CHD5: variants seen among roughly 807,000 people sequenced by gnomAD.
The protein encoded by CHD5 is ATP-dependent chromatin remodeler CHD5.
CHD5 carries 69 observed loss-of-function variants against 230.3 expected under a neutral mutation model. That is an observed-to-expected ratio of 0.30 (90% CI 0.25 to 0.37). The LOEUF is 0.37. Ranked by LOEUF, CHD5 falls within the 10% of genes least tolerant of loss-of-function variation. The probability of loss-of-function intolerance (pLI) is 1.00; values close to 1 mark genes in which losing one functional copy is unlikely to be tolerated. For synonymous variants in CHD5, 1,064 were observed against 1,065.9 expected (o/e 1.00, Z 0.03); for missense variants, 1,827 against 2,622.8 (o/e 0.70, Z 6.63).
At chr1:6,168,368 C>T in intron 1 of CHD5, 91 bp from the exon 2 acceptor site, 1 of 1,443,752 alleles carries the variant, frequency 6.9e-7, no homozygotes, top group Non-Finnish European at 9.3e-7. Context: ...AAGCTGGGAC[C>T]CCCAGACACC....
intron 15 of CHD5, among the ~76,000 whole-genome samples, chr1:6,137,691 T>A (rs1390443442): frequency 6.6e-6 from 1 of 152,202 alleles, no homozygotes; most frequent in Non-Finnish European, 1.5e-5. Context: ...CAGGTACCCA[T>A]AGCTAACAAA....
In CHD5 at chr1:6,121,143, G is replaced by C. The variant is rs774252696; in HGVS notation, c.4874C>G (p.Thr1625Arg). The C allele has an allele frequency of 6.2e-7, 1 of 1,612,536 alleles. No homozygotes were observed. The highest frequency in any genetic ancestry group is 1.7e-5 in the Admixed American group (1 of 59,620). Residue 1625 changes from threonine to arginine, a missense_variant, in exon 33 of 42, where the codon ACG becomes AGG. Thr to Arg is a moderately conservative substitution (Grantham distance 71, BLOSUM62 -1). This residue lies in a region of CHD5 where 272 missense variants were observed against 263.2 expected (regional missense o/e 1.03). Transcript: ENST00000262450. The surrounding 1 kb of genome is among the most constrained non-coding windows in gnomAD (Gnocchi z 4.5). Reference sequence around the variant, plus strand: ...CTCCGGGGAGGGCGGGGCCTTCTCCGTCTCCTCTGGCCGCTCCTCTCGGGC... The same window carrying C: ...CTCCGGGGAGGGCGGGGCCTTCTCCCTCTCCTCTGGCCGCTCCTCTCGGGC... ...ERAREERPEE[T>R]EKAPPSPEQL...
chr1:6,146,602 C>T lies in CHD5; in HGVS notation c.1590+63G>A, dbSNP rs1666915798. 6.4e-7 allele frequency: 1 copy of T among 1,559,288 alleles called. No homozygotes were observed. Among genetic ancestry groups the T allele is most frequent in the African/African-American group, 1.4e-5 (1 of 73,584 alleles). On this transcript the variant is annotated intron_variant, in intron 10 of 41. Coordinates refer to ENST00000262450, the MANE Select transcript of CHD5 (RefSeq NM_015557.3). The surrounding 1 kb of genome is among the most constrained non-coding windows in gnomAD (Gnocchi z 5.1). ...GGCGCTTCAGCCCCTTCCCGCCAGC[C>T]CAGGAGGGTCCAGGGCTCACCAGGT...
At position 6,125,844 on chromosome 1, in the gene CHD5, G is replaced by A. The variant is rs766300383; in HGVS notation, c.4093C>T (p.Leu1365Phe). The A allele has an allele frequency of 6.2e-7, 1 of 1,611,824 alleles. No homozygotes were observed. The highest frequency in any genetic ancestry group is 1.3e-5 in the African/African-American group (1 of 74,904). The change falls in exon 27 of 42, where the codon CTC becomes TTC. Residue 1365 changes from leucine (L) to phenylalanine (F), a missense_variant. Leu to Phe is a conservative substitution (Grantham distance 22). Around this residue, in one of 14 missense-constraint regions of CHD5, gnomAD observed 137 missense variants for 272.7 expected, o/e 0.50. Transcript: ENST00000262450. The surrounding 1 kb of genome is among the most constrained non-coding windows in gnomAD (Gnocchi z 6.7). ...SQEDQEWQDE[L>F]SDNQSEYSIG... ...GAATATTCTGACTGGTTATCAGAGA[G>A]CTCATCCTGCCACTCTGCAGGGGGC...
rs200914257 is a variant in CHD5 at position 6,102,275 on chromosome 1, G to GA, written c.*3198dup. 3,364 of 151,290 alleles carry GA rather than the reference G, an allele frequency of 0.022. 35 individuals carry two copies. Among genetic ancestry groups the GA allele is most frequent in the Non-Finnish European group, 0.032 (2,235 of 68,836 alleles). The allele number at this position is 151,290 out of a possible 1,614,324, so 9.4% of individuals were successfully genotyped here. Reference sequence around the variant, plus strand: ...TTAAAAAAAAAATCTGAAAATTAAAGAAAAAAAAAACACAACGCCAGTGAG... The same window carrying GA: ...TTAAAAAAAAAATCTGAAAATTAAAGAAAAAAAAAAACACAACGCCAGTGAG... On this transcript the variant is annotated 3_prime_UTR_variant, in exon 42 of 42. Transcript: ENST00000262450.
chr1:6,152,670 C>T (rs1419922597), intron 5 of CHD5, 134 bp from the exon 6 acceptor site: 1 of 1,444,020 alleles, frequency 6.9e-7, no homozygotes, highest in Admixed American at 2.2e-5. Flanking sequence ...AGATGAGATG[C>T]CTGAGGCTTG....
chr1:6,146,833 G>T lies in CHD5; in HGVS notation c.1422C>A (p.His474Gln). ...PLKGKVQRIL[H>Q]WRWTEPPAPF... ...GGGCAGGGGGCTCCGTCCACCTCCA[G>T]TGTAGAATCCGCTGGACTTTGCCCT... is the stretch of plus-strand genomic sequence containing the variant. The change falls in exon 10 of 42, where the codon CAC (histidine) becomes CAA (glutamine). Residue 474 changes from histidine to glutamine, a missense_variant. By Grantham distance (24) the His-to-Gln change is conservative (BLOSUM62 0). Coordinates refer to ENST00000262450, the MANE Select transcript of CHD5 (RefSeq NM_015557.3). This position sits in a 1 kb window ranked among gnomAD's most constrained non-coding sequence, Gnocchi z 5.1. 1 of 1,556,746 alleles carries T rather than the reference G, an allele frequency of 6.4e-7. No individual in the cohort carries two copies. Among genetic ancestry groups the T allele is most frequent in the East Asian group, 2.3e-5 (1 of 44,016 alleles).
chr1:6,113,049 G>C (rs1413593155), intron 33 of CHD5, 51 bp from the exon 34 acceptor site: 2 of 1,277,480 alleles, frequency 1.6e-6, no homozygotes, highest in East Asian at 2.3e-5. Context: ...AGAAAACACA[G>C]AGGACTCTGG....
intron 18 of CHD5, 67 bp downstream of exon 18, chr1:6,135,163 C>T (rs957850550): frequency 3.6e-5 from 56 of 1,575,890 alleles, no homozygotes; most frequent in Non-Finnish European, 4.4e-5. Context: ...ACCTGGGAAT[C>T]GACCCAGGAG....
At chr1:6,160,025 C>A (rs1004874512) in intron 2 of CHD5, among the ~76,000 whole-genome samples, 7 of 151,802 alleles carry the variant, frequency 4.6e-5, no homozygotes, top group Non-Finnish European at 8.8e-5. Context: ...AGAAGAAAAG[C>A]CCCAGCCAGG....
chr1:6,121,022 T>C lies in CHD5; in HGVS notation c.4912+83A>G. 7.1e-7 allele frequency: 1 copy of C among 1,412,862 alleles called. No homozygotes were observed. The highest frequency in any genetic ancestry group is 9.3e-7 in the Non-Finnish European group (1 of 1,072,940). 87.5% of individuals were successfully genotyped at this position (1,412,862 alleles called of 1,614,324 possible). ...TCTGCCAGGGAGAAATGAGCGGAAG[T>C]ACAGCCACCTGCCCTTCTCTGAACC... On this transcript the variant is annotated intron_variant, in intron 33 of 41. Coordinates refer to ENST00000262450, the MANE Select transcript of CHD5 (RefSeq NM_015557.3). This position sits in a 1 kb window ranked among gnomAD's most constrained non-coding sequence, Gnocchi z 4.5.
intron 9 of CHD5, among the ~76,000 whole-genome samples, chr1:6,148,319 G>T (rs1666943218): frequency 6.6e-6 from 1 of 151,818 alleles, no homozygotes; most frequent in Non-Finnish European, 1.5e-5. Context: ...CGCCCTAGGA[G>T]CCTCCTGCCC....
chr1:6,173,441 A>G (rs1425386334), intron 1 of CHD5, among the ~76,000 whole-genome samples: 1 of 151,826 alleles, frequency 6.6e-6, no homozygotes, highest in Non-Finnish European at 1.5e-5. Flanking sequence ...GGACTCCCCA[A>G]CCAGCAACAA....
In CHD5 at chr1:6,151,148, T is replaced by C; in HGVS notation, c.878A>G (p.Glu293Gly). 1 of 1,607,520 alleles carries C rather than the reference T, an allele frequency of 6.2e-7. No individual in the cohort carries two copies. The highest frequency in any genetic ancestry group is 1.1e-5 in the South Asian group (1 of 89,266). The stretch of plus-strand genomic sequence containing the variant: ...GAAGTCCGACTCCTCCCTCTCATCT[T>C]CTTCACTCTGCAGGGGAAGACAGGG... Reference protein sequence around the residue: ...NKRKKGSSSEEDEREESDFDS... With the variant: ...NKRKKGSSSEGDEREESDFDS... The change falls in exon 7 of 42, where the codon GAA becomes GGA. Residue 293 changes from glutamate (E) to glycine (G), a missense_variant. This residue lies in a region of CHD5 where 657 missense variants were observed against 816.4 expected (regional missense o/e 0.80). Coordinates refer to ENST00000262450, the MANE Select transcript of CHD5 (RefSeq NM_015557.3).
At chr1:6,153,295 G>A (rs77671819) in intron 5 of CHD5, among the ~76,000 whole-genome samples, 2,138 of 152,324 alleles carry the variant, frequency 0.014, 51 homozygotes, top group African/African-American at 0.049. Flanking sequence ...GCTGGAGCGC[G>A]AGAGGAAATG....
chr1:6,110,125 C>G, intron 37 of CHD5, 135 bp from the exon 38 acceptor site: 1 of 979,846 alleles, frequency 1.0e-6, no homozygotes, highest in Non-Finnish European at 1.5e-6. Flanking sequence ...TGCTGCCCAC[C>G]CTGGCCTGGT....
intron 15 of CHD5, among the ~76,000 whole-genome samples, chr1:6,138,656 C>T (rs554530054): frequency 6.4e-4 from 98 of 152,310 alleles, no homozygotes; most frequent in African/African-American, 2.1e-3. Context: ...TCGGTCTCCT[C>T]GCCTATCTAG....
In CHD5 at chr1:6,131,167, C is replaced by T. The variant is rs1666651463; in HGVS notation, c.3262+464G>A. 1.3e-5 allele frequency among the ~76,000 whole-genome samples: 2 copies of T among 152,228 alleles called. No homozygotes were observed. The highest frequency in any genetic ancestry group is 4.8e-5 in the African/African-American group (2 of 41,456). On this transcript the variant is annotated intron_variant, in intron 21 of 41. Coordinates refer to ENST00000262450, the MANE Select transcript of CHD5 (RefSeq NM_015557.3). The surrounding 1 kb of genome is among the most constrained non-coding windows in gnomAD (Gnocchi z 5.0). ...ACTCCACCGGCAAGACCCTCCTGAC[C>T]TCCACCCTCGCCTCTCCTTCCCAGG...
chr1:6,136,883 A>G lies in CHD5; in HGVS notation c.2437-18T>C, dbSNP rs2746066. The G allele has an allele frequency of 0.43, 682,762 of 1,589,974 alleles. 154,145 individuals are homozygous for G. The highest frequency in any genetic ancestry group is 0.83 in the East Asian group (36,764 of 44,474). On this transcript the variant is annotated intron_variant, in intron 15 of 41. Transcript: ENST00000262450. Reference sequence around the variant, plus strand: ...ACTTCTTTCTGGAGAAAAGAGGGGCATTGGGGATGAGACGGCTGGGAGCAG... The same window carrying G: ...ACTTCTTTCTGGAGAAAAGAGGGGCGTTGGGGATGAGACGGCTGGGAGCAG...
Sources: gnomAD v4.1 joint callset for allele counts (sites outside exome capture counted in the v4.1 genomes callset) on GRCh38, gnomAD v4.1.1 for gene constraint, gnomAD v4.1.1 regional missense constraint, Gnocchi (gnomAD v3.1) non-coding constraint, MANE v1.5 for transcripts, NCBI Gene and HGNC (gene_info 2026-07-23, HGNC 2026-07-21) for gene names.